Variants in TMEM52B observed in about 807,000 individuals in gnomAD.
TMEM52B encodes transmembrane protein 52B, also known as chromosome 12 open reading frame 59.
A neutral mutation model predicts 16.1 loss-of-function variants in TMEM52B; 11 were observed. That is an observed-to-expected ratio of 0.68 (90% CI 0.43 to 1.13). The LOEUF (loss-of-function observed/expected upper bound fraction) is 1.13. Among genes scored for constraint, TMEM52B ranks in the 50% most tolerant of loss-of-function variants. The probability of loss-of-function intolerance (pLI) is 0.00; values close to 1 mark genes in which losing one functional copy is unlikely to be tolerated. For missense variants in TMEM52B, 243 were observed against 230.4 expected (o/e 1.05, Z -0.35); for synonymous variants, 101 against 93.8 (o/e 1.08, Z -0.45).
intron 1 of TMEM52B, among the ~76,000 whole-genome samples, chr12:10,181,470 C>T (rs1948821608): frequency 6.6e-6 from 1 of 151,770 alleles, no homozygotes. Flanking sequence ...GCTGGGATTA[C>T]AGGCGCACAT....
upstream of TMEM52B, among the ~76,000 whole-genome samples, chr12:10,177,202 G>A (rs1948772312): frequency 6.6e-6 from 1 of 151,980 alleles, no homozygotes; most frequent in African/African-American, 2.4e-5. Flanking sequence ...GTCTTCTACT[G>A]AAATCTGGAA....
intron 2 of TMEM52B, among the ~76,000 whole-genome samples, chr12:10,182,927 G>T (rs560699154): frequency 1.3e-5 from 2 of 152,296 alleles, no homozygotes; most frequent in South Asian, 4.1e-4. Flanking sequence ...TTAGTATCTA[G>T]TCACTGGCAT....
At position 10,191,188 on chromosome 12, in the gene TMEM52B, GA is replaced by G. The variant is rs1948954131; in HGVS notation, c.*1053del. 1 of 151,574 alleles carries G rather than the reference GA, an allele frequency of 6.6e-6. No individual in the cohort carries two copies. Among genetic ancestry groups the G allele is most frequent in the Admixed American group, 6.6e-5 (1 of 15,214 alleles). The allele number at this position is 151,574 out of a possible 1,614,324, so 9.4% of individuals were successfully genotyped here. A position where few individuals can be genotyped will look rare whatever the true frequency, so the allele number is the denominator to read the frequency against. ...ATCGAGGAAGTGACGCACATTTAGG[GA>G]AAAACTACTCACCTTAGAAAAGTCA... On this transcript the variant is annotated 3_prime_UTR_variant, in exon 5 of 5. Coordinates refer to ENST00000543484, the MANE Select transcript of TMEM52B (RefSeq NM_001384896.1).
At chr12:10,183,467 C>A (rs6488267) in intron 2 of TMEM52B, among the ~76,000 whole-genome samples, 143,072 of 151,874 alleles carry the variant, frequency 0.94, 67,620 homozygotes, top group East Asian at 1. Flanking sequence ...CAGTGAAAAA[C>A]AAAACAAAAC....
intron 1 of TMEM52B, among the ~76,000 whole-genome samples, chr12:10,181,882 C>T (rs951796971): frequency 1.3e-5 from 2 of 151,146 alleles, no homozygotes; most frequent in African/African-American, 4.9e-5. Flanking sequence ...CAAAAATTAA[C>T]CAGGCGTGGT....
At chr12:10,175,765 G>A (rs748914001), upstream of TMEM52B, among the ~76,000 whole-genome samples, 2 of 152,124 alleles carry the variant, frequency 1.3e-5, no homozygotes, top group Non-Finnish European at 2.9e-5. Context: ...TTGAAATCAG[G>A]GCTGTGGCCC....
upstream of TMEM52B, among the ~76,000 whole-genome samples, chr12:10,177,916 G>A (rs1948779867): frequency 6.6e-6 from 1 of 150,420 alleles, no homozygotes; most frequent in Non-Finnish European, 1.5e-5. Flanking sequence ...GCTTTTTTGA[G>A]GCAGATTCTC....
intron 3 of TMEM52B, 40 bp from the exon 4 acceptor site, chr12:10,186,380 C>T (rs1359383492): frequency 6.5e-7 from 1 of 1,534,752 alleles, no homozygotes. Flanking sequence ...GGAAAAAAGC[C>T]AGATCCCAGA....
intron 4 of TMEM52B, among the ~76,000 whole-genome samples, chr12:10,187,246 G>A (rs1181227072): frequency 6.6e-6 from 1 of 151,056 alleles, no homozygotes; most frequent in Non-Finnish European, 1.5e-5. Context: ...GAGATTACAG[G>A]CACCTGCACC....
chr12:10,186,691 TC>T, intron 4 of TMEM52B, 102 bp downstream of exon 4: 1 of 1,207,116 alleles, frequency 8.3e-7, no homozygotes. Flanking sequence ...TATTAAAGAT[TC>T]CAGGACTCAC....
intron 1 of TMEM52B, chr12:10,171,890 C>T (rs1163032283): frequency 7.1e-6 from 5 of 704,366 alleles, no homozygotes; most frequent in African/African-American, 1.8e-5. Flanking sequence ...GGTATTAATT[C>T]TATTTTCCCA....
At chr12:10,177,535 G>A (rs1355599436), upstream of TMEM52B, among the ~76,000 whole-genome samples, 1 of 151,952 alleles carries the variant, frequency 6.6e-6, no homozygotes, top group Admixed American at 6.6e-5. Context: ...TTATGAGATA[G>A]ATATATCACT....
Position 10,185,368 on chromosome 12 carries a change from G to A in TMEM52B, c.137G>A (p.Trp46Ter), listed in dbSNP as rs979596923. The A allele has an allele frequency of 6.2e-7, 1 of 1,606,846 alleles. No homozygotes were observed. Among genetic ancestry groups the A allele is most frequent in the African/African-American group, 1.3e-5 (1 of 74,866 alleles). Residue 46 changes from tryptophan to a stop codon, truncating the protein, a stop_gained and splice_region_variant, in exon 3 of 5, where the codon TGG becomes TAG. Transcript: ENST00000543484. LOFTEE classifies it high-confidence loss of function. ...GACTGGGTACATCTCTGGTATATAT[G>A]GTAAGTTTCACTTATAATACCCAGA... is the stretch of plus-strand genomic sequence containing the variant. ...TTDWVHLWYIWLLVVIGALLL... is the reference protein window; with the variant it reads ...TTDWVHLWYI
intron 1 of TMEM52B, among the ~76,000 whole-genome samples, chr12:10,173,371 T>C (rs1450989135): frequency 6.6e-6 from 1 of 152,152 alleles, no homozygotes; most frequent in Non-Finnish European, 1.5e-5. Context: ...AAATAAAACA[T>C]ATAGGAAACT....
rs754239124 is a variant in TMEM52B, at chr12:10,189,957, C to A, written c.369C>A (p.Ser123Arg). ...RRILAVAHSH[S>R]SLGQLPSSLD... is the part of the protein sequence containing the mutation. ...TCCTGGCTGTGGCTCACTCCCACAG[C>A]TCCCTGGGCCAGCTGCCCTCCTCTT... The change falls in exon 5 of 5, where the codon AGC becomes AGA. Residue 123 changes from serine to arginine, a missense_variant. Coordinates refer to ENST00000543484, the MANE Select transcript of TMEM52B (RefSeq NM_001384896.1). 10 of 1,614,086 alleles carry A rather than the reference C, an allele frequency of 6.2e-6. No homozygotes were observed. The African/African-American group carries it at 1.3e-4, about 22-fold the overall frequency.
In TMEM52B at chr12:10,190,026, C is replaced by T. The variant is rs1314319357; in HGVS notation, c.438C>T (p.Arg146=). The part of the protein sequence containing the change: ...PGYEEALHMS[R]FTVAMCGQKA... ...ATGAAGAAGCTCTTCACATGAGTCG[C>T]TTCACAGTAGCCATGTGCGGGCAGA... is the stretch of plus-strand genomic sequence containing the variant. The change falls in exon 5 of 5, where the codon CGC becomes CGT. Residue 146 remains arginine, a synonymous_variant. Transcript: ENST00000543484. The T allele has an allele frequency of 6.2e-7, 1 of 1,614,094 alleles. No individual in the cohort carries two copies. The highest frequency in any genetic ancestry group is 2.2e-5 in the East Asian group (1 of 44,902).
chr12:10,188,131 A>T (rs548485083), intron 4 of TMEM52B, among the ~76,000 whole-genome samples: 48 of 152,126 alleles, frequency 3.2e-4, no homozygotes, highest in Non-Finnish European at 6.0e-4. Flanking sequence ...AAATAGAATG[A>T]TATGATGTGT....
At chr12:10,184,651 C>A (rs925416081) in intron 2 of TMEM52B, among the ~76,000 whole-genome samples, 7 of 151,990 alleles carry the variant, frequency 4.6e-5, no homozygotes, top group Non-Finnish European at 8.8e-5. Context: ...TTCCTACATT[C>A]TCAGTGGGAG....
intron 1 of TMEM52B, among the ~76,000 whole-genome samples, chr12:10,171,765 T>G (rs2137528635): frequency 6.6e-6 from 1 of 152,358 alleles, no homozygotes; most frequent in African/African-American, 2.4e-5. Context: ...GAAATAATAC[T>G]CTGAAAGTGA....
Sources: allele counts gnomAD v4.1 joint callset (sites outside exome capture counted in the v4.1 genomes callset), GRCh38; gene constraint gnomAD v4.1.1; transcripts MANE v1.5; gene names NCBI Gene and HGNC (gene_info 2026-07-23, HGNC 2026-07-21).